The following LARP1B variants were observed in gnomAD, a reference collection of about 807,000 sequenced individuals.
LARP1B encodes the protein La ribonucleoprotein 1B, also known as la-related protein 1B.
Under a neutral mutation model 114.2 loss-of-function variants are expected in LARP1B, and 76 were observed. That is an observed-to-expected ratio of 0.67 (90% CI 0.55 to 0.81). The LOEUF is 0.81. Ranked by LOEUF, LARP1B falls within the 30% of genes least tolerant of loss-of-function variation. The pLI is 0.00. For synonymous variants in LARP1B, 345 were observed against 348.0 expected (o/e 0.99, Z 0.10); for missense variants, 1,014 against 1,075.8 (o/e 0.94, Z 0.80).
chr4:128,131,055 G>A (rs1791417101), intron 11 of LARP1B, among the ~76,000 whole-genome samples: 1 of 152,172 alleles, frequency 6.6e-6, no homozygotes, highest in African/African-American at 2.4e-5. Flanking sequence ...CAGAGCACAG[G>A]TTTTTTAGGG....
chr4:128,098,767 A>ATATATATATATTT (rs1328165907), intron 8 of LARP1B, among the ~76,000 whole-genome samples: 17 of 35,012 alleles, frequency 4.9e-4, no homozygotes, highest in East Asian at 1.3e-3. Context: ...ATATATATAT[A>ATATATATATATTT]TTTTTTTTTT....
intron 3 of LARP1B, among the ~76,000 whole-genome samples, chr4:128,075,362 A>G (rs751529094): frequency 1.2e-4 from 19 of 152,056 alleles, no homozygotes; most frequent in Non-Finnish European, 2.4e-4. Context: ...TGTTGAGATT[A>G]CAGTATGAGC....
intron 11 of LARP1B, among the ~76,000 whole-genome samples, chr4:128,142,769 A>G (rs950068876): frequency 6.6e-6 from 1 of 151,860 alleles, no homozygotes; most frequent in African/African-American, 2.4e-5. Flanking sequence ...TGGCCTACCA[A>G]AGTCCTGGGA....
chr4:128,075,198 C>T (rs566735520), intron 3 of LARP1B, among the ~76,000 whole-genome samples: 1 of 152,006 alleles, frequency 6.6e-6, no homozygotes, highest in East Asian at 1.9e-4. Flanking sequence ...AACTGCTAGG[C>T]TCAGGTGATC....
intron 9 of LARP1B, 26 bp from the exon 10 acceptor site, chr4:128,114,544 A>G (rs768879329): frequency 6.5e-7 from 1 of 1,527,794 alleles, no homozygotes; most frequent in Non-Finnish European, 8.9e-7. Context: ...TATCATTTTA[A>G]CTATAGAACT....
chr4:128,121,684 T>C (rs1168459253), intron 10 of LARP1B, 142 bp from the exon 11 acceptor site: 14 of 576,928 alleles, frequency 2.4e-5, no homozygotes. Flanking sequence ...TAATACTCAC[T>C]TGATTTTCTT....
chr4:128,069,610 C>A, intron 1 of LARP1B: 2 of 676,612 alleles, frequency 3.0e-6, no homozygotes, highest in East Asian at 5.2e-5. Context: ...TGTATGCCCC[C>A]ATCTTGGCTT....
At chr4:128,182,067 C>T (rs1488548035) in intron 15 of LARP1B, among the ~76,000 whole-genome samples, 1 of 149,848 alleles carries the variant, frequency 6.7e-6, no homozygotes, top group Non-Finnish European at 1.5e-5. Flanking sequence ...CCGCCTTGGC[C>T]TCCCAAAGTG....
Position 128,211,861 on chromosome 4 carries a change from T to C in LARP1B, c.*1808T>C, listed in dbSNP as rs1417056308. 3.2e-6 allele frequency: 2 copies of C among 629,724 alleles called. No individual in the cohort carries two copies. Among genetic ancestry groups the C allele is most frequent in the African/African-American group, 2.0e-5 (1 of 50,856 alleles). 39.0% of individuals were successfully genotyped at this position (629,724 alleles called of 1,614,324 possible). A position where few individuals can be genotyped will look rare whatever the true frequency, so the allele number is the denominator to read the frequency against. ...AATGAAAATACAATAATCAGGAGTTTTGTGGTTTGTATTAATTAGTAGTTT... is the reference window on the plus strand; with the variant it reads ...AATGAAAATACAATAATCAGGAGTTCTGTGGTTTGTATTAATTAGTAGTTT... On this transcript the variant is annotated 3_prime_UTR_variant, in exon 20 of 20. Coordinates refer to ENST00000326639, the MANE Select transcript of LARP1B (RefSeq NM_018078.4).
intron 5 of LARP1B, among the ~76,000 whole-genome samples, chr4:128,084,360 G>A (rs1024288207): frequency 5.3e-5 from 8 of 152,264 alleles, no homozygotes; most frequent in Non-Finnish European, 7.3e-5. Context: ...ACCAGACTCC[G>A]TCTGCAATCC....
At chr4:128,126,079 A>G (rs1789492163) in intron 11 of LARP1B, among the ~76,000 whole-genome samples, 1 of 152,000 alleles carries the variant, frequency 6.6e-6, no homozygotes, top group African/African-American at 2.4e-5. Flanking sequence ...AATGAGCAAA[A>G]GTAACAGGCA....
Position 128,077,929 on chromosome 4 carries a change from G to T in LARP1B, c.184G>T (p.Asp62Tyr). 1 of 1,610,484 alleles carries T rather than the reference G, an allele frequency of 6.2e-7. No individual in the cohort carries two copies. The highest frequency in any genetic ancestry group is 8.5e-7 in the Non-Finnish European group (1 of 1,179,022). Reference sequence around the variant, plus strand: ...TGGTCCTGGTGAAAACGTCAGTGAGGATGAGGCTCAGTCAAGTAATCAACG... The same window carrying T: ...TGGTCCTGGTGAAAACGTCAGTGAGTATGAGGCTCAGTCAAGTAATCAACG... The part of the protein sequence containing the change: ...LNGPGENVSE[D>Y]EAQSSNQRKR... The change falls in exon 4 of 20, where the codon GAT becomes TAT. Residue 62 changes from aspartate (D) to tyrosine (Y), a missense_variant. Transcript: ENST00000326639.
At chr4:128,192,029 G>C (rs748254886) in intron 15 of LARP1B, among the ~76,000 whole-genome samples, 4 of 152,282 alleles carry the variant, frequency 2.6e-5, no homozygotes, top group Admixed American at 1.3e-4. Flanking sequence ...TCAGATTTGA[G>C]TTCTGGGATA....
chr4:128,104,948 C>A (rs1331589266), intron 8 of LARP1B, among the ~76,000 whole-genome samples: 1 of 152,086 alleles, frequency 6.6e-6, no homozygotes, highest in African/African-American at 2.4e-5. Context: ...AGTATCAAAC[C>A]AATCAAAACC....
At chr4:128,123,293 G>A (rs1788578680) in intron 11 of LARP1B, 1 of 985,302 alleles carries the variant, frequency 1.0e-6, no homozygotes, top group South Asian at 4.7e-5. Context: ...ACTGCTGTGG[G>A]AAAGGAAGTG....
chr4:128,162,633 C>T (rs575655821), intron 12 of LARP1B, among the ~76,000 whole-genome samples: 11 of 152,126 alleles, frequency 7.2e-5, no homozygotes, highest in African/African-American at 2.2e-4. Context: ...CCTTAGAATG[C>T]GCTAGAGTCA....
intron 10 of LARP1B, among the ~76,000 whole-genome samples, chr4:128,117,463 A>G (rs1195458493): frequency 2.0e-5 from 3 of 151,612 alleles, no homozygotes; most frequent in Non-Finnish European, 2.9e-5. Flanking sequence ...TCGGCTCTGT[A>G]CAACTTTCCC....
intron 10 of LARP1B, among the ~76,000 whole-genome samples, chr4:128,117,366 C>T (rs950447153): frequency 6.6e-6 from 1 of 151,956 alleles, no homozygotes; most frequent in Non-Finnish European, 1.5e-5. Flanking sequence ...CCTGCTACTA[C>T]ACCCGGCTAA....
chr4:128,129,008 C>CA (rs1205634364), intron 11 of LARP1B, among the ~76,000 whole-genome samples: 1 of 151,242 alleles, frequency 6.6e-6, no homozygotes, highest in Non-Finnish European at 1.5e-5. Flanking sequence ...ATTAAAAATA[C>CA]AAAAAAATTA....
Sources: gnomAD v4.1 joint callset for allele counts (sites outside exome capture counted in the v4.1 genomes callset) on GRCh38, gnomAD v4.1.1 for gene constraint, MANE v1.5 for transcripts, NCBI Gene and HGNC (gene_info 2026-07-23, HGNC 2026-07-21) for gene names.